The following ASCC1 variants were observed in gnomAD, a reference collection of about 807,000 sequenced individuals.
ASCC1 encodes the protein activating signal cointegrator 1 complex subunit 1.
ASCC1 carries 35 observed loss-of-function variants against 46.6 expected under a neutral mutation model. The observed-to-expected ratio is 0.75, with a 90% CI of 0.57 to 0.99. The LOEUF (loss-of-function observed/expected upper bound fraction) is 0.99. Ranked by LOEUF, ASCC1 falls within the 50% of genes least tolerant of loss-of-function variation. The pLI is 0.00. For missense variants in ASCC1, 376 were observed against 428.7 expected (o/e 0.88, Z 1.09); for synonymous variants, 143 against 146.6 (o/e 0.98, Z 0.18).
intron 5 of ASCC1, among the ~76,000 whole-genome samples, chr10:72,188,272 C>T (rs758462307): frequency 1.3e-5 from 2 of 151,822 alleles, no homozygotes; most frequent in Middle Eastern, 3.2e-3. Flanking sequence ...GTGCACACCA[C>T]CACGCCCAGC....
intron 9 of ASCC1, among the ~76,000 whole-genome samples, chr10:72,097,906 C>T (rs1189140607): frequency 1.3e-5 from 2 of 152,084 alleles, no homozygotes; most frequent in African/African-American, 2.4e-5. Context: ...TTGTTAGGAG[C>T]GCTGACTAAA....
At chr10:72,176,087 A>C (rs1851822166) in intron 5 of ASCC1, among the ~76,000 whole-genome samples, 1 of 152,234 alleles carries the variant, frequency 6.6e-6, no homozygotes, top group Admixed American at 6.5e-5. Flanking sequence ...TTTACTCTTC[A>C]TATCAACACT....
At position 72,096,296 on chromosome 10, in the gene ASCC1, G is replaced by A; in HGVS notation, c.*1038C>T. 1 of 454,068 alleles carries A rather than the reference G, an allele frequency of 2.2e-6. No homozygotes were observed. The highest frequency in any genetic ancestry group is 1.6e-5 in the South Asian group (1 of 64,476). The allele number at this position is 454,068 out of a possible 1,614,324, so 28.1% of individuals were successfully genotyped here. A position where few individuals can be genotyped will look rare whatever the true frequency, so the allele number is the denominator to read the frequency against. On this transcript the variant is annotated 3_prime_UTR_variant, in exon 10 of 10. Transcript: ENST00000672957. ...TCTGCTGGTCCGTGGTGAGGGAGGA[G>A]TGAGGGCCTCCTGTGGCTGACATTC...
chr10:72,096,984 C>T lies in ASCC1; in HGVS notation c.*350G>A, dbSNP rs914190613. On this transcript the variant is annotated 3_prime_UTR_variant, in exon 10 of 10. Coordinates refer to ENST00000672957, the MANE Select transcript of ASCC1 (RefSeq NM_001198800.3). ...AGCCTATGGAGATGGACGGCGGTGACGGCCACACAGCATTATGAATGTATT... is the reference window on the plus strand; with the variant it reads ...AGCCTATGGAGATGGACGGCGGTGATGGCCACACAGCATTATGAATGTATT... 7 of 455,390 alleles carry T rather than the reference C, an allele frequency of 1.5e-5. No individual in the cohort carries two copies. Among genetic ancestry groups the T allele is most frequent in the Admixed American group, 2.3e-5 (1 of 42,586 alleles). 28.2% of individuals were successfully genotyped at this position (455,390 alleles called of 1,614,324 possible).
intron 7 of ASCC1, among the ~76,000 whole-genome samples, chr10:72,149,617 A>T (rs549712329): frequency 2.4e-4 from 37 of 152,296 alleles, no homozygotes; most frequent in African/African-American, 8.9e-4. Context: ...GAGACCAAAA[A>T]GTTTCAGAAC....
chr10:72,196,748 C>A (rs369247646), intron 5 of ASCC1, 63 bp downstream of exon 5: 4 of 1,493,068 alleles, frequency 2.7e-6, no homozygotes, highest in Non-Finnish European at 3.6e-6. Context: ...GATTTATGAA[C>A]CATTTTTGTA....
At position 72,203,538 on chromosome 10, in the gene ASCC1, T is replaced by C. The variant is rs751246670; in HGVS notation, c.213-14A>G. On this transcript the variant is annotated splice_polypyrimidine_tract_variant and intron_variant, in intron 3 of 9. Transcript: ENST00000672957. ...CCAACTATATGCCTGTAACATAAAGTAATTAAAAGAAGATTAAGTCAAAAT... is the reference window on the plus strand; with the variant it reads ...CCAACTATATGCCTGTAACATAAAGCAATTAAAAGAAGATTAAGTCAAAAT... 1.3e-6 allele frequency: 2 copies of C among 1,551,898 alleles called. No individual in the cohort carries two copies. The highest frequency in any genetic ancestry group is 1.8e-6 in the Non-Finnish European group (2 of 1,124,912).
intron 5 of ASCC1, among the ~76,000 whole-genome samples, chr10:72,172,952 T>C (rs891756502): frequency 7.2e-6 from 1 of 139,662 alleles, no homozygotes; most frequent in Non-Finnish European, 1.5e-5. Flanking sequence ...ATATATTATA[T>C]TTTATATTTT....
chr10:72,168,276 A>C (rs1369702653), intron 5 of ASCC1, among the ~76,000 whole-genome samples: 3 of 152,226 alleles, frequency 2.0e-5, no homozygotes, highest in Non-Finnish European at 2.9e-5. Context: ...GGCAAAAGAC[A>C]GACACTTCAC....
At position 72,160,381 on chromosome 10, in the gene ASCC1, T is replaced by C. The variant is rs1302502590; in HGVS notation, c.626+1157A>G. ...TTGGCTTTCACATTTCTCTCTTTTG[T>C]CAATCTTAAGTAAAAGGAAGAAAGT... On this transcript the variant is annotated intron_variant, in intron 6 of 9. Coordinates refer to ENST00000672957, the MANE Select transcript of ASCC1 (RefSeq NM_001198800.3). 2.0e-5 allele frequency among the ~76,000 whole-genome samples: 3 copies of C among 152,156 alleles called. No homozygotes were observed. The East Asian group carries it at 5.8e-4, about 29-fold the overall frequency.
chr10:72,178,747 G>A (rs551675205), intron 5 of ASCC1, among the ~76,000 whole-genome samples: 3 of 152,266 alleles, frequency 2.0e-5, no homozygotes, highest in Admixed American at 6.5e-5. Flanking sequence ...AGGCTGCTAC[G>A]ATTGTGGTAA....
chr10:72,172,698 TAATATA>T (rs1465657589), intron 5 of ASCC1, among the ~76,000 whole-genome samples: 11 of 132,626 alleles, frequency 8.3e-5, no homozygotes. Context: ...TAAAAATATA[TAATATA>T]TATATTATAT....
chr10:72,096,895 G>A lies in ASCC1; in HGVS notation c.*439C>T, dbSNP rs1430227581. 2 of 454,018 alleles carry A rather than the reference G, an allele frequency of 4.4e-6. No individual in the cohort carries two copies. The highest frequency in any genetic ancestry group is 4.4e-6 in the Non-Finnish European group (1 of 226,828). The allele number at this position is 454,018 out of a possible 1,614,324, so 28.1% of individuals were successfully genotyped here. A position where few individuals can be genotyped will look rare whatever the true frequency, so the allele number is the denominator to read the frequency against. On this transcript the variant is annotated 3_prime_UTR_variant, in exon 10 of 10. Transcript: ENST00000672957. ...AGAGACAGAAAGCAGAATGGTGGCT[G>A]CGGGGGCTGGGAGGAGTGGGAATTA...
intron 7 of ASCC1, among the ~76,000 whole-genome samples, chr10:72,142,196 C>T (rs752570070): frequency 1.3e-5 from 2 of 152,022 alleles, no homozygotes; most frequent in Admixed American, 6.6e-5. Context: ...TTCAGCCATG[C>T]ACTTAGCTAT....
Position 72,123,011 on chromosome 10 carries a change from C to G in ASCC1, c.957+5071G>C, listed in dbSNP as rs146781005. ...TAGAAAAGTAAGAACAAATTAAATCCAAATTAAGCAGAATGAAAGAAATAA... is the reference window on the plus strand; with the variant it reads ...TAGAAAAGTAAGAACAAATTAAATCGAAATTAAGCAGAATGAAAGAAATAA... On this transcript the variant is annotated intron_variant, in intron 9 of 9. Transcript: ENST00000672957. Among the ~76,000 whole-genome samples the G allele has an allele frequency of 2.0e-5, 3 of 152,094 alleles. No individual in the cohort carries two copies. The East Asian group carries it at 5.8e-4, about 29-fold the overall frequency.
chr10:72,208,675 G>A (rs1439471876), intron 3 of ASCC1, among the ~76,000 whole-genome samples: 4 of 152,066 alleles, frequency 2.6e-5, no homozygotes, highest in East Asian at 1.9e-4. Context: ...CAAGAAAATC[G>A]TTTGAACCAA....
chr10:72,212,893 G>A (rs971655341), intron 2 of ASCC1, among the ~76,000 whole-genome samples: 6 of 151,616 alleles, frequency 4.0e-5, no homozygotes, highest in East Asian at 1.9e-4. Context: ...ACTCTACAAC[G>A]GAACTTAATT....
At chr10:72,158,372 G>A (rs372486416) in intron 6 of ASCC1, among the ~76,000 whole-genome samples, 4 of 152,182 alleles carry the variant, frequency 2.6e-5, no homozygotes, top group South Asian at 2.1e-4. Flanking sequence ...AAACACTGAG[G>A]CACAGGAGGG....
chr10:72,130,797 C>A (rs950049567), intron 8 of ASCC1, among the ~76,000 whole-genome samples: 1 of 152,184 alleles, frequency 6.6e-6, no homozygotes, highest in Admixed American at 6.5e-5. Context: ...TGCTCAATAA[C>A]CCCATGTGTC....
Sources: allele counts gnomAD v4.1 joint callset (sites outside exome capture counted in the v4.1 genomes callset), GRCh38; gene constraint gnomAD v4.1.1; transcripts MANE v1.5; gene names NCBI Gene and HGNC (gene_info 2026-07-23, HGNC 2026-07-21).